MICAL3: variants seen among roughly 807,000 people sequenced by gnomAD.
MICAL3 encodes [F-actin]-monooxygenase MICAL3.
Under a neutral mutation model 207.4 loss-of-function variants are expected in MICAL3, and 62 were observed. That is an observed-to-expected ratio of 0.30 (90% CI 0.24 to 0.37). The LOEUF (loss-of-function observed/expected upper bound fraction) is 0.37. Ranked by LOEUF, MICAL3 falls within the 10% of genes least tolerant of loss-of-function variation. The pLI is 1.00. For missense variants in MICAL3, 2,368 were observed against 2,635.6 expected, an observed-to-expected ratio of 0.90 and a Z score of 2.22; for synonymous variants, 1,077 against 1,069.3, an observed-to-expected ratio of 1.01 and a Z score of -0.14.
At chr22:17,971,185 A>G (rs979029321) in intron 1 of MICAL3, among the ~76,000 whole-genome samples, 3 of 149,486 alleles carry the variant, frequency 2.0e-5, no homozygotes, top group African/African-American at 7.4e-5. Flanking sequence ...TCAGAAAAAA[A>G]GGGGGGGGCT....
intron 3 of MICAL3, among the ~76,000 whole-genome samples, chr22:17,903,789 G>A (rs976952904): frequency 6.6e-5 from 10 of 152,220 alleles, no homozygotes; most frequent in African/African-American, 2.2e-4. Context: ...AATTGGCACA[G>A]CTGCTGCAAA....
At chr22:18,013,077 G>A (rs1452748820) in intron 1 of MICAL3, among the ~76,000 whole-genome samples, 1 of 152,162 alleles carries the variant, frequency 6.6e-6, no homozygotes, top group Non-Finnish European at 1.5e-5. Flanking sequence ...CTCTCTTCCT[G>A]GAAGTTGAGT....
At chr22:17,861,896 T>C in intron 19 of MICAL3, 1 of 985,488 alleles carries the variant, frequency 1.0e-6, no homozygotes, top group Non-Finnish European at 1.2e-6. Flanking sequence ...AGTGGTTCTT[T>C]GAACTGCAGG....
At chr22:18,008,699 T>A (rs1056727988) in intron 1 of MICAL3, among the ~76,000 whole-genome samples, 1 of 152,202 alleles carries the variant, frequency 6.6e-6, no homozygotes, top group Non-Finnish European at 1.5e-5. Context: ...TAATATCTCA[T>A]AGTGAGGTTT....
intron 20 of MICAL3, among the ~76,000 whole-genome samples, chr22:17,839,257 C>CCTTTTTTT (rs1569088578): frequency 3.4e-5 from 3 of 88,048 alleles, no homozygotes; most frequent in African/African-American, 1.4e-4. Context: ...CCGGGCTCTT[C>CCTTTTTTT]ATTTTTTTTT....
At position 17,832,044 on chromosome 22, in the gene MICAL3, T is replaced by C. The variant is rs556747942; in HGVS notation, c.2865A>G (p.Pro955=). The C allele has an allele frequency of 5.0e-6, 8 of 1,603,596 alleles. No individual in the cohort carries two copies. The highest frequency in any genetic ancestry group is 1.7e-4 in the Middle Eastern group (1 of 6,048). The stretch of plus-strand genomic sequence containing the variant: ...TCCACGGAACACCACCCAGGTCAGA[T>C]GGGGGCAGGCGAGGCTCCTCCTCCT... ...EEEEEEPRLP[P]SDLGGVPWKE... Residue 955 remains proline (P), a synonymous_variant, in exon 21 of 32, where the codon CCA becomes CCG. Transcript: ENST00000441493.
chr22:17,821,379 G>T, intron 25 of MICAL3, 48 bp downstream of exon 25: 1 of 1,476,154 alleles, frequency 6.8e-7, no homozygotes, highest in Non-Finnish European at 9.2e-7. Flanking sequence ...ATGTGTCCTT[G>T]GGGTCCCATT....
At chr22:17,982,346 A>G (rs1431026655) in intron 1 of MICAL3, among the ~76,000 whole-genome samples, 4 of 152,252 alleles carry the variant, frequency 2.6e-5, no homozygotes, top group Admixed American at 2.0e-4. Flanking sequence ...AACGGGGGAA[A>G]ATGCCATTTT....
intron 1 of MICAL3, among the ~76,000 whole-genome samples, chr22:17,910,329 A>C (rs566216723): frequency 2.6e-5 from 4 of 152,178 alleles, no homozygotes; most frequent in Non-Finnish European, 5.9e-5. Context: ...GGTTTGAAAT[A>C]ATTCACTTCC....
At chr22:17,884,490 G>A (rs1227444904) in intron 16 of MICAL3, 1 of 643,198 alleles carries the variant, frequency 1.6e-6, no homozygotes, top group Non-Finnish European at 2.6e-6. Context: ...GTGGGGAAGA[G>A]GGGGACTCAT....
intron 1 of MICAL3, among the ~76,000 whole-genome samples, chr22:17,967,372 C>G (rs1385410440): frequency 6.6e-6 from 1 of 151,908 alleles, no homozygotes; most frequent in Non-Finnish European, 1.5e-5. Flanking sequence ...AAAAGTAGAA[C>G]ACATATATTT....
chr22:17,992,685 C>T (rs1044460441), intron 1 of MICAL3, among the ~76,000 whole-genome samples: 17 of 152,156 alleles, frequency 1.1e-4, no homozygotes, highest in African/African-American at 3.4e-4. Context: ...GGGCCTAGCA[C>T]GGTGCTCACT....
intron 22 of MICAL3, among the ~76,000 whole-genome samples, chr22:17,824,270 C>T (rs1921936774): frequency 6.6e-6 from 1 of 152,168 alleles, no homozygotes; most frequent in African/African-American, 2.4e-5. Context: ...GTTTTAATTT[C>T]AGGAGAAAGG....
At chr22:17,884,987 C>A (rs1929747696) in intron 16 of MICAL3, among the ~76,000 whole-genome samples, 1 of 152,200 alleles carries the variant, frequency 6.6e-6, no homozygotes, top group Non-Finnish European at 1.5e-5. Context: ...AGCAGCCCTG[C>A]CCTCCAGCTG....
intron 1 of MICAL3, among the ~76,000 whole-genome samples, chr22:17,942,460 G>A (rs138330243): frequency 5.1e-4 from 78 of 152,312 alleles, no homozygotes; most frequent in Middle Eastern, 3.4e-3. Flanking sequence ...GGCTTTAACA[G>A]CCAAGCTTTC....
At position 17,796,601 on chromosome 22, in the gene MICAL3, TG is replaced by T. The variant is rs2061879063; in HGVS notation, c.5651-5301del. Among the ~76,000 whole-genome samples, 1 of 152,160 alleles carries T rather than the reference TG, an allele frequency of 6.6e-6. No homozygotes were observed. The highest frequency in any genetic ancestry group is 2.4e-5 in the African/African-American group (1 of 41,440). On this transcript the variant is annotated intron_variant, in intron 29 of 31. Coordinates refer to ENST00000441493, the MANE Select transcript of MICAL3 (RefSeq NM_015241.3). This position sits in a 1 kb window ranked among gnomAD's most constrained non-coding sequence, Gnocchi z 4.4. ...CTCTTCAACACAGGCTCCAGGCAAA[TG>T]TAACAAATGCTGGCGTCTCAGGCAG...
rs757935249 is a variant in MICAL3, at chr22:17,790,688, T to C, written c.*44A>G. ...TCCGGGTGGTTTGGATGCCACTGCC[T>C]GGCCAGGCGGATGCCAACAGAAAAT... On this transcript the variant is annotated 3_prime_UTR_variant, in exon 32 of 32. Coordinates refer to ENST00000441493, the MANE Select transcript of MICAL3 (RefSeq NM_015241.3). 2.6e-6 allele frequency: 4 copies of C among 1,536,274 alleles called. No homozygotes were observed. Among genetic ancestry groups the C allele is most frequent in the African/African-American group, 1.4e-5 (1 of 72,692 alleles).
At chr22:17,835,196 A>G (rs1359697135) in intron 20 of MICAL3, among the ~76,000 whole-genome samples, 1 of 151,562 alleles carries the variant, frequency 6.6e-6, no homozygotes, top group Non-Finnish European at 1.5e-5. Flanking sequence ...CACAGAAGAC[A>G]GCAGAAAGCA....
intron 15 of MICAL3, 146 bp from the exon 16 acceptor site, chr22:17,886,197 C>A: frequency 1.2e-6 from 1 of 828,226 alleles, no homozygotes; most frequent in Non-Finnish European, 1.9e-6. Flanking sequence ...ACAGAGACAG[C>A]AAGCCTGGAG....
Sources: allele counts gnomAD v4.1 joint callset (sites outside exome capture counted in the v4.1 genomes callset), GRCh38; gene constraint gnomAD v4.1.1; non-coding constraint Gnocchi (gnomAD v3.1); transcripts MANE v1.5; gene names NCBI Gene and HGNC (gene_info 2026-07-23, HGNC 2026-07-21).